The following EYA2 variants were observed in gnomAD, a reference collection of about 807,000 sequenced individuals.
The protein encoded by EYA2 is protein phosphatase EYA2.
EYA2 carries 31 observed loss-of-function variants against 69.2 expected under a neutral mutation model. The ratio of observed to expected loss-of-function variants is 0.45; its 90% CI spans 0.34 to 0.60. The LOEUF (loss-of-function observed/expected upper bound fraction) is 0.60, where lower values mean the gene tolerates loss of function less well. Among genes scored for constraint, EYA2 ranks in the 20% least tolerant of loss-of-function variants. EYA2 has a pLI of 0.02. For synonymous variants in EYA2, 257 were observed against 279.4 expected, an observed-to-expected ratio of 0.92 and a Z score of 0.80; for missense variants, 622 against 701.2, an observed-to-expected ratio of 0.89 and a Z score of 1.28.
At chr20:47,110,674 A>G (rs1287207081) in intron 9 of EYA2, among the ~76,000 whole-genome samples, 2 of 152,236 alleles carry the variant, frequency 1.3e-5, no homozygotes, top group African/African-American at 2.4e-5. Context: ...CTTTATCCCA[A>G]TACCCAGCAC....
At chr20:47,144,499 A>G (rs1359394439) in intron 10 of EYA2, among the ~76,000 whole-genome samples, 1 of 152,224 alleles carries the variant, frequency 6.6e-6, no homozygotes, top group Non-Finnish European at 1.5e-5. Context: ...TATAAAGGTT[A>G]TGGATTTCAA....
chr20:47,117,312 G>A (rs1230622029), intron 9 of EYA2: 1 of 952,844 alleles, frequency 1.0e-6, no homozygotes. Context: ...ACCCAGCCAA[G>A]CATCTGCATT....
At chr20:47,049,171 A>G (rs993642895) in intron 5 of EYA2, among the ~76,000 whole-genome samples, 10 of 115,550 alleles carry the variant, frequency 8.7e-5, no homozygotes, top group Admixed American at 8.6e-5. Context: ...TTAGACTTAC[A>G]GAAAAGTTGC....
chr20:47,003,448 C>T (rs1982500502), intron 3 of EYA2, among the ~76,000 whole-genome samples: 1 of 152,234 alleles, frequency 6.6e-6, no homozygotes, highest in South Asian at 2.1e-4. Context: ...CAAGAGGTGG[C>T]TGCTGCTCAA....
At chr20:47,062,303 A>G (rs1006272807) in intron 5 of EYA2, among the ~76,000 whole-genome samples, 1 of 152,194 alleles carries the variant, frequency 6.6e-6, no homozygotes, top group South Asian at 2.1e-4. Flanking sequence ...TCTAGATATG[A>G]TTTTTAAATG....
chr20:46,949,379 C>T lies in EYA2; in HGVS notation c.-10-40622C>T, dbSNP rs139791265. 3.0e-3 allele frequency among the ~76,000 whole-genome samples: 461 copies of T among 152,240 alleles called. 3 individuals are homozygous for T. The highest frequency in any genetic ancestry group is 0.011 in the African/African-American group (439 of 41,540). On this transcript the variant is annotated intron_variant, in intron 1 of 15. Transcript: ENST00000327619. ...TGTCCTGCTAAGTGTGAGAGTAAGT[C>T]AGGCCAAACCTAGTCTCACAGTCAA...
chr20:47,068,408 A>G (rs959278826), intron 5 of EYA2, among the ~76,000 whole-genome samples: 1 of 152,248 alleles, frequency 6.6e-6, no homozygotes, highest in African/African-American at 2.4e-5. Flanking sequence ...GCACAGGATC[A>G]GCACTGTTTG....
intron 5 of EYA2, among the ~76,000 whole-genome samples, chr20:47,046,206 G>T (rs538555745): frequency 3.9e-5 from 6 of 152,212 alleles, no homozygotes; most frequent in Admixed American, 3.9e-4. Context: ...TTTTATAAGG[G>T]GCTTCTTTTA....
chr20:47,125,596 C>A (rs1454796460), intron 9 of EYA2, among the ~76,000 whole-genome samples: 1 of 152,138 alleles, frequency 6.6e-6, no homozygotes, highest in African/African-American at 2.4e-5. Flanking sequence ...TAAATTCTTT[C>A]TTTTAATGAC....
intron 5 of EYA2, among the ~76,000 whole-genome samples, chr20:47,049,403 C>T (rs1269323405): frequency 6.6e-6 from 1 of 152,210 alleles, no homozygotes; most frequent in African/African-American, 2.4e-5. Context: ...TGTGTGTCCT[C>T]TCCACATTGT....
chr20:47,042,195 C>T (rs928883084), intron 5 of EYA2, among the ~76,000 whole-genome samples: 3 of 151,990 alleles, frequency 2.0e-5, no homozygotes, highest in African/African-American at 4.8e-5. Context: ...ATTATTATCA[C>T]GTCTATTTTA....
intron 5 of EYA2, among the ~76,000 whole-genome samples, chr20:47,028,023 G>C (rs1984195028): frequency 6.6e-6 from 1 of 152,150 alleles, no homozygotes; most frequent in Non-Finnish European, 1.5e-5. Context: ...TTTGGGAGGT[G>C]TTAGGGTTAA....
intron 1 of EYA2, among the ~76,000 whole-genome samples, chr20:46,943,464 G>A (rs1488429149): frequency 6.6e-6 from 1 of 152,192 alleles, no homozygotes; most frequent in African/African-American, 2.4e-5. Context: ...GTTGTTGTGA[G>A]ATCAATGAGA....
At chr20:46,940,851 C>T (rs1986125343) in intron 1 of EYA2, among the ~76,000 whole-genome samples, 1 of 152,218 alleles carries the variant, frequency 6.6e-6, no homozygotes, top group Admixed American at 6.5e-5. Flanking sequence ...CAGAGGGGAA[C>T]AGTGCTTGCC....
intron 9 of EYA2, among the ~76,000 whole-genome samples, chr20:47,128,177 C>T (rs774759210): frequency 2.0e-5 from 3 of 152,256 alleles, no homozygotes; most frequent in East Asian, 3.9e-4. Flanking sequence ...GTCTGGTTCC[C>T]GCAGAGCCAT....
chr20:47,094,888 C>G (rs1468014453), intron 8 of EYA2, among the ~76,000 whole-genome samples: 1 of 152,034 alleles, frequency 6.6e-6, no homozygotes, highest in Non-Finnish European at 1.5e-5. Flanking sequence ...CAAAAATTAG[C>G]CAGGCATGGT....
intron 1 of EYA2, among the ~76,000 whole-genome samples, chr20:46,955,522 A>C (rs1340912908): frequency 6.6e-6 from 1 of 152,250 alleles, no homozygotes. Flanking sequence ...TGCTTATCAT[A>C]GAGCAATAAA....
Position 47,180,049 on chromosome 20 carries a change from T to C in EYA2, c.1313+137T>C, listed in dbSNP as rs184076402. On this transcript the variant is annotated intron_variant, in intron 13 of 15. Transcript: ENST00000327619. Reference sequence around the variant, plus strand: ...TACACTTTCCAAATATTTTTTTTTTTTGATATGGAGTCTCACTCTGTCGCC... The same window carrying C: ...TACACTTTCCAAATATTTTTTTTTTCTGATATGGAGTCTCACTCTGTCGCC... 7.7e-4 allele frequency: 492 copies of C among 637,310 alleles called. 1 individual carries two copies. Among genetic ancestry groups the C allele is most frequent in the East Asian group, 1.0e-3 (37 of 36,232 alleles). 39.5% of individuals were successfully genotyped at this position (637,310 alleles called of 1,614,324 possible).
intron 9 of EYA2, among the ~76,000 whole-genome samples, chr20:47,107,538 A>AAAG (rs1555825868): frequency 6.7e-4 from 100 of 148,886 alleles, no homozygotes; most frequent in African/African-American, 2.4e-3. Flanking sequence ...AAAAAAAAAA[A>AAAG]AAAGAAAGAA....
Sources: gnomAD v4.1 joint callset for allele counts (sites outside exome capture counted in the v4.1 genomes callset) on GRCh38, gnomAD v4.1.1 for gene constraint, MANE v1.5 for transcripts, NCBI Gene and HGNC (gene_info 2026-07-23, HGNC 2026-07-21) for gene names.